Variants in CEP128 observed in about 807,000 individuals in gnomAD.
CEP128 encodes centrosomal protein 128kDa.
In CEP128, 132 loss-of-function variants were observed where a neutral mutation model predicts 156.7. The ratio of observed to expected loss-of-function variants is 0.84; its 90% CI spans 0.73 to 0.97. CEP128 has a LOEUF of 0.97. Among genes scored for constraint, CEP128 ranks in the 50% least tolerant of loss-of-function variants. The probability of loss-of-function intolerance (pLI) is 0.00; values close to 1 mark genes in which losing one functional copy is unlikely to be tolerated. For missense variants in CEP128, 1,252 were observed against 1,281.9 expected, an observed-to-expected ratio of 0.98 and a Z score of 0.36; for synonymous variants, 469 against 448.9, an observed-to-expected ratio of 1.04 and a Z score of -0.57.
chr14:80,485,893 G>C (rs1044561703), downstream of CEP128, among the ~76,000 whole-genome samples: 1 of 152,190 alleles, frequency 6.6e-6, no homozygotes, highest in Non-Finnish European at 1.5e-5. Context: ...TATTCATGTA[G>C]GCTGTTTTTA....
chr14:80,869,214 T>G (rs1205621878), intron 8 of CEP128, among the ~76,000 whole-genome samples: 3 of 152,002 alleles, frequency 2.0e-5, no homozygotes, highest in African/African-American at 7.2e-5. Context: ...CCAGGATAGA[T>G]CATGTTAGGC....
intron 19 of CEP128, among the ~76,000 whole-genome samples, chr14:80,645,465 GA>G (rs1894594233): frequency 1.3e-5 from 2 of 152,094 alleles, no homozygotes. Context: ...ATGGAGTAGG[GA>G]AGTATTACTA....
chr14:80,881,359 A>G (rs928181378), intron 8 of CEP128, among the ~76,000 whole-genome samples: 75 of 152,316 alleles, frequency 4.9e-4, no homozygotes, highest in African/African-American at 1.8e-3. Flanking sequence ...GACACAACCT[A>G]CAAAGATTGA....
chr14:80,594,681 CA>C (rs1892236436), intron 19 of CEP128, among the ~76,000 whole-genome samples: 1 of 152,124 alleles, frequency 6.6e-6, no homozygotes, highest in African/African-American at 2.4e-5. Context: ...AGACACTTCT[CA>C]AAGGAAGACA....
chr14:80,791,156 C>G (rs1901686291), intron 14 of CEP128, among the ~76,000 whole-genome samples: 1 of 152,064 alleles, frequency 6.6e-6, no homozygotes, highest in Admixed American at 6.6e-5. Context: ...TTCCACATCA[C>G]AGATTTACTG....
chr14:80,593,844 C>G (rs1286830033), intron 19 of CEP128, among the ~76,000 whole-genome samples: 1 of 152,126 alleles, frequency 6.6e-6, no homozygotes, highest in Non-Finnish European at 1.5e-5. Flanking sequence ...AATGGAAAAA[C>G]ATTCCATGCT....
intron 19 of CEP128, among the ~76,000 whole-genome samples, chr14:80,647,114 C>CACACACACAT (rs1489138047): frequency 3.3e-5 from 4 of 120,610 alleles, no homozygotes; most frequent in African/African-American, 1.2e-4. Context: ...CATACACACA[C>CACACACACAT]ACACACACAC....
intron 17 of CEP128, among the ~76,000 whole-genome samples, chr14:80,759,713 C>T (rs1444585285): frequency 6.6e-6 from 1 of 152,068 alleles, no homozygotes; most frequent in Non-Finnish European, 1.5e-5. Flanking sequence ...GTGTAAAACC[C>T]ATTACCACAG....
intron 3 of CEP128, among the ~76,000 whole-genome samples, 171 bp from the exon 4 acceptor site, chr14:80,914,579 T>G (rs190604178): frequency 1.3e-5 from 2 of 152,312 alleles, no homozygotes; most frequent in East Asian, 3.9e-4. Context: ...TTAACACCAC[T>G]GAGAGAAACT....
intron 24 of CEP128, among the ~76,000 whole-genome samples, chr14:80,498,378 A>G (rs1202380654): frequency 6.6e-6 from 1 of 152,166 alleles, no homozygotes; most frequent in Non-Finnish European, 1.5e-5. Flanking sequence ...GGAAAAGTCA[A>G]TCAAATTACG....
intron 9 of CEP128, among the ~76,000 whole-genome samples, chr14:80,853,031 C>T (rs228109): frequency 0.6 from 90,255 of 151,548 alleles, 27,203 homozygotes; most frequent in East Asian, 0.79. Context: ...TATTTAAATA[C>T]CCAAAGTTAA....
At chr14:80,517,061 T>G (rs537468633) in intron 23 of CEP128, among the ~76,000 whole-genome samples, 1 of 152,306 alleles carries the variant, frequency 6.6e-6, no homozygotes, top group African/African-American at 2.4e-5. Flanking sequence ...TAATTATTCT[T>G]TTAATATCAT....
At chr14:80,749,887 C>A (rs1259318572) in intron 18 of CEP128, among the ~76,000 whole-genome samples, 2 of 151,844 alleles carry the variant, frequency 1.3e-5, no homozygotes, top group African/African-American at 4.8e-5. Flanking sequence ...TAGCAGATTA[C>A]AAATTAAACA....
At chr14:80,679,886 TA>T (rs1896245728) in intron 19 of CEP128, among the ~76,000 whole-genome samples, 1 of 152,200 alleles carries the variant, frequency 6.6e-6, no homozygotes, top group Non-Finnish European at 1.5e-5. Flanking sequence ...GGCCCAGCTG[TA>T]AAATTCATCT....
At chr14:80,652,391 T>C (rs1302368450) in intron 19 of CEP128, among the ~76,000 whole-genome samples, 2 of 152,060 alleles carry the variant, frequency 1.3e-5, no homozygotes, top group Non-Finnish European at 2.9e-5. Flanking sequence ...GAAACTATCA[T>C]CAGAGTGAAC....
At chr14:80,913,517 A>G (rs960596231) in intron 4 of CEP128, among the ~76,000 whole-genome samples, 2 of 152,192 alleles carry the variant, frequency 1.3e-5, no homozygotes, top group African/African-American at 2.4e-5. Context: ...GTGGGGCTCA[A>G]AGGGAGGTTG....
chr14:80,627,208 A>G (rs933439629), intron 19 of CEP128, among the ~76,000 whole-genome samples: 1 of 152,338 alleles, frequency 6.6e-6, no homozygotes, highest in East Asian at 1.9e-4. Flanking sequence ...CTTAGAATCA[A>G]TTGTGCAAGA....
intron 19 of CEP128, among the ~76,000 whole-genome samples, chr14:80,657,886 G>T (rs557340676): frequency 6.6e-6 from 1 of 152,244 alleles, no homozygotes; most frequent in Non-Finnish European, 1.5e-5. Flanking sequence ...AACATGTACT[G>T]ATGTTAGCAG....
chr14:80,793,660 C>T (rs571339724), intron 13 of CEP128, among the ~76,000 whole-genome samples: 11 of 152,190 alleles, frequency 7.2e-5, no homozygotes, highest in East Asian at 3.9e-4. Flanking sequence ...TAATATTATA[C>T]ATTGAAGCAC....
Sources: gnomAD v4.1 joint callset for allele counts (sites outside exome capture counted in the v4.1 genomes callset) on GRCh38, gnomAD v4.1.1 for gene constraint, MANE v1.5 for transcripts, NCBI Gene and HGNC (gene_info 2026-07-23, HGNC 2026-07-21) for gene names.